COG4: variants seen among roughly 807,000 people sequenced by gnomAD.
The protein encoded by COG4 is conserved oligomeric Golgi complex subunit 4.
Under a neutral mutation model 95.1 loss-of-function variants are expected in COG4, and 65 were observed. That is an observed-to-expected ratio of 0.68 (90% CI 0.56 to 0.84). The LOEUF (loss-of-function observed/expected upper bound fraction) is 0.84, where lower values mean the gene tolerates loss of function less well. Ranked by LOEUF, COG4 falls within the 40% of genes least tolerant of loss-of-function variation. The pLI is 0.00. For missense variants in COG4, 1,045 were observed against 989.1 expected (o/e 1.06, Z -0.76); for synonymous variants, 421 against 374.8 (o/e 1.12, Z -1.42).
chr16:70,508,897 A>T lies in COG4; in HGVS notation c.1002+334T>A, dbSNP rs919110973. 17 of 532,746 alleles carry T rather than the reference A, an allele frequency of 3.2e-5. No homozygotes were observed. The African/African-American group carries it at 3.2e-4, about 10-fold the overall frequency. 33.0% of individuals were successfully genotyped at this position (532,746 alleles called of 1,614,324 possible). ...TTGGAGACAATTACTTGGACACTTAATAGGACCTCAAGAAATAGAATTGTC... is the reference window on the plus strand; with the variant it reads ...TTGGAGACAATTACTTGGACACTTATTAGGACCTCAAGAAATAGAATTGTC... On this transcript the variant is annotated intron_variant, in intron 7 of 18. Coordinates refer to ENST00000323786, the MANE Select transcript of COG4 (RefSeq NM_015386.3).
chr16:70,499,169 C>G (rs2049398541), intron 9 of COG4, among the ~76,000 whole-genome samples: 1 of 152,040 alleles, frequency 6.6e-6, no homozygotes, highest in Non-Finnish European at 1.5e-5. Context: ...AACTTAGGAA[C>G]TGAATATTTT....
At chr16:70,522,368 G>A (rs931504263) in intron 1 of COG4, among the ~76,000 whole-genome samples, 2 of 152,140 alleles carry the variant, frequency 1.3e-5, no homozygotes, top group African/African-American at 4.8e-5. Context: ...AGCCAGGCAC[G>A]GTGGTGTGCG....
intron 12 of COG4, 111 bp from the exon 13 acceptor site, chr16:70,490,503 T>G (rs1046419656): frequency 1.0e-5 from 9 of 870,680 alleles, no homozygotes; most frequent in Admixed American, 1.7e-5. Flanking sequence ...AAGGGCTGGC[T>G]GGAGTTCAGA....
chr16:70,504,498 T>C (rs977777975), intron 8 of COG4, among the ~76,000 whole-genome samples: 1 of 151,386 alleles, frequency 6.6e-6, no homozygotes, highest in Non-Finnish European at 1.5e-5. Flanking sequence ...GCTCAGCTAC[T>C]CAGGAGGCAG....
intron 5 of COG4, among the ~76,000 whole-genome samples, chr16:70,510,732 T>C (rs540348995): frequency 1.0e-3 from 155 of 151,792 alleles, no homozygotes; most frequent in Non-Finnish European, 1.7e-3. Context: ...GATGTCAAAG[T>C]ATACTGATAA....
chr16:70,523,317 G>GA, intron 1 of COG4, 56 bp downstream of exon 1: 1 of 1,602,670 alleles, frequency 6.2e-7, no homozygotes, highest in South Asian at 1.1e-5. Flanking sequence ...TTTCCCGACT[G>GA]AAGGCTCCCA....
intron 5 of COG4, among the ~76,000 whole-genome samples, chr16:70,510,242 CT>C (rs920134184): frequency 1.3e-5 from 2 of 152,198 alleles, no homozygotes; most frequent in Non-Finnish European, 2.9e-5. Context: ...CCATTATTTT[CT>C]TCTCTTGGAA....
chr16:70,487,752 G>A (rs1275421225), intron 13 of COG4, among the ~76,000 whole-genome samples: 1 of 152,110 alleles, frequency 6.6e-6, no homozygotes, highest in Non-Finnish European at 1.5e-5. Flanking sequence ...TTTTCCAATA[G>A]TTCACAAAGT....
chr16:70,500,036 T>C (rs917311102), intron 9 of COG4, among the ~76,000 whole-genome samples: 8 of 151,998 alleles, frequency 5.3e-5, no homozygotes. Flanking sequence ...GGTTTCACTA[T>C]GTTGACCAGG....
intron 8 of COG4, among the ~76,000 whole-genome samples, chr16:70,506,389 C>T (rs916570334): frequency 2.5e-4 from 38 of 150,170 alleles, no homozygotes; most frequent in African/African-American, 9.3e-4. Flanking sequence ...GGTGACAGAG[C>T]GAGACTCCGT....
At chr16:70,508,365 T>C (rs758192833) in intron 8 of COG4, 41 bp downstream of exon 8, 3 of 1,546,388 alleles carry the variant, frequency 1.9e-6, no homozygotes, top group South Asian at 2.2e-5. Context: ...TGATTACCAA[T>C]TCAAACTCCT....
At chr16:70,520,489 G>C (rs551938920) in intron 1 of COG4, among the ~76,000 whole-genome samples, 1 of 151,400 alleles carries the variant, frequency 6.6e-6, no homozygotes, top group East Asian at 2.0e-4. Context: ...AAAATTAGCT[G>C]GGTGTGGTGG....
At chr16:70,516,575 C>T (rs917742504) in intron 3 of COG4, among the ~76,000 whole-genome samples, 3 of 152,034 alleles carry the variant, frequency 2.0e-5, no homozygotes, top group African/African-American at 4.8e-5. Flanking sequence ...GGACTACAGG[C>T]GTGAGCCACC....
chr16:70,523,500 G>C lies in COG4; in HGVS notation c.44C>G (p.Ser15Ter). Residue 15 changes from serine to a stop codon, truncating the protein, a stop_gained, in exon 1 of 19, where the codon TCA becomes TGA. Coordinates refer to ENST00000323786, the MANE Select transcript of COG4 (RefSeq NM_015386.3). LOFTEE classifies it high-confidence loss of function. The stretch of plus-strand genomic sequence containing the variant: ...CCCCTCAGACGGCTGCTGCACCCCT[G>C]ACAGCTTCGGAGGCGAATCAAGGTC... ...MADLDSPPKL[S>*]GVQQPSEGVG... 6.2e-7 allele frequency: 1 copy of C among 1,614,062 alleles called. No individual in the cohort carries two copies. The highest frequency in any genetic ancestry group is 8.5e-7 in the Non-Finnish European group (1 of 1,180,048).
chr16:70,495,023 T>C (rs1369767236), intron 12 of COG4, among the ~76,000 whole-genome samples: 3 of 152,118 alleles, frequency 2.0e-5, no homozygotes, highest in Non-Finnish European at 4.4e-5. Context: ...CAGGGCTTGG[T>C]AGATATTAGC....
At chr16:70,508,607 G>A in intron 7 of COG4, 143 bp from the exon 8 acceptor site, 2 of 747,920 alleles carry the variant, frequency 2.7e-6, no homozygotes, top group Non-Finnish European at 4.8e-6. Context: ...AGCCAGCAGT[G>A]GGCTTTCAGG....
In COG4 at chr16:70,496,261, C is replaced by T. The variant is rs772226017; in HGVS notation, c.1647+5G>A. 26 of 1,614,020 alleles carry T rather than the reference C, an allele frequency of 1.6e-5. No homozygotes were observed. The highest frequency in any genetic ancestry group is 1.7e-5 in the Non-Finnish European group (20 of 1,180,014). On this transcript the variant is annotated splice_donor_5th_base_variant and intron_variant, in intron 12 of 18. Transcript: ENST00000323786. ...AACCCAGCTCGTGAGCTGTGGGGTA[C>T]CTACCAGGAAGGACATCTTCGCCTC...
At chr16:70,521,182 C>T (rs1394354497) in intron 1 of COG4, among the ~76,000 whole-genome samples, 1 of 151,272 alleles carries the variant, frequency 6.6e-6, no homozygotes, top group Non-Finnish European at 1.5e-5. Context: ...CAAAGAACTG[C>T]GATTAGAGGC....
chr16:70,481,212 CCAGGGGCAGAG>C lies in COG4; in HGVS notation c.2236-79_2236-69del. On this transcript the variant is annotated intron_variant, in intron 18 of 18. Transcript: ENST00000323786. ...TTCTGAAAGAGGGCTCTGGCCTCTA[CCAGGGGCAGAG>C]CAGGGGCACCCGGGAAGGGGAAGGT... The C allele has an allele frequency of 3.1e-6, 5 of 1,606,256 alleles. No homozygotes were observed. In the South Asian group the frequency reaches 4.4e-5, roughly 14 times the overall value.
Sources: gnomAD v4.1 joint callset for allele counts (sites outside exome capture counted in the v4.1 genomes callset) on GRCh38, gnomAD v4.1.1 for gene constraint, MANE v1.5 for transcripts, NCBI Gene and HGNC (gene_info 2026-07-23, HGNC 2026-07-21) for gene names.